ARHGEF3: variants seen among roughly 807,000 people sequenced by gnomAD.
The protein encoded by ARHGEF3 is Rho guanine nucleotide exchange factor 3.
Under a neutral mutation model 63.2 loss-of-function variants are expected in ARHGEF3, and 28 were observed. The observed-to-expected ratio is 0.44, with a 90% CI of 0.33 to 0.61. The LOEUF is 0.61. ARHGEF3 is among the 20% of genes least tolerant of loss of function. The probability of loss-of-function intolerance (pLI) is 0.03; values close to 1 mark genes in which losing one functional copy is unlikely to be tolerated. For synonymous variants in ARHGEF3, 266 were observed against 254.2 expected (o/e 1.05, Z -0.44); for missense variants, 533 against 659.3 (o/e 0.81, Z 2.10).
At chr3:57,054,571 G>A (rs1479070574) in intron 1 of ARHGEF3, among the ~76,000 whole-genome samples, 1 of 151,534 alleles carries the variant, frequency 6.6e-6, no homozygotes, top group African/African-American at 2.4e-5. Flanking sequence ...CCAGCAGGGT[G>A]GAGGCTGAAG....
At chr3:56,823,986 G>GAAAAAAA (rs5849170) in intron 4 of ARHGEF3, among the ~76,000 whole-genome samples, 2 of 126,388 alleles carry the variant, frequency 1.6e-5, no homozygotes, top group Non-Finnish European at 3.3e-5. Context: ...TTGAGGAAAG[G>GAAAAAAA]AAAAAAAAAA....
At chr3:56,901,473 T>C (rs1287983167) in intron 3 of ARHGEF3, among the ~76,000 whole-genome samples, 1 of 151,996 alleles carries the variant, frequency 6.6e-6, no homozygotes, top group African/African-American at 2.4e-5. Flanking sequence ...TTGACTCTCA[T>C]TATTCATAGT....
intron 3 of ARHGEF3, among the ~76,000 whole-genome samples, chr3:56,943,668 A>G (rs905949774): frequency 3.9e-5 from 6 of 152,198 alleles, no homozygotes; most frequent in African/African-American, 1.4e-4. Flanking sequence ...TAATCCCAGC[A>G]CTTTGGGAGT....
chr3:57,057,086 C>A (rs1162570341), intron 1 of ARHGEF3, among the ~76,000 whole-genome samples: 1 of 152,116 alleles, frequency 6.6e-6, no homozygotes, highest in Admixed American at 6.6e-5. Flanking sequence ...GGGGTCTACA[C>A]TGCAGGTTTC....
At chr3:57,054,097 G>A (rs780127050) in intron 1 of ARHGEF3, among the ~76,000 whole-genome samples, 22 of 152,160 alleles carry the variant, frequency 1.4e-4, no homozygotes, top group African/African-American at 4.8e-4. Context: ...TTCCAAAATG[G>A]TTGTACCAAT....
At chr3:56,803,908 A>G (rs943736920), upstream of ARHGEF3, among the ~76,000 whole-genome samples, 1 of 147,684 alleles carries the variant, frequency 6.8e-6, no homozygotes, top group Admixed American at 6.8e-5. Context: ...TTTTTGAGAT[A>G]GGGTCTTGCT....
chr3:56,962,566 C>T (rs1351527792), intron 2 of ARHGEF3, among the ~76,000 whole-genome samples: 5 of 152,164 alleles, frequency 3.3e-5, no homozygotes, highest in African/African-American at 1.2e-4. Flanking sequence ...AGTATGACCA[C>T]TTCCATAGAG....
chr3:56,764,595 A>G (rs527413285), intron 2 of ARHGEF3, among the ~76,000 whole-genome samples: 3 of 152,166 alleles, frequency 2.0e-5, no homozygotes, highest in East Asian at 1.9e-4. Context: ...ATCTCTCCCT[A>G]TAAGTGGTGA....
intron 4 of ARHGEF3, among the ~76,000 whole-genome samples, chr3:56,751,726 T>TA (rs1469535369): frequency 1.3e-5 from 2 of 152,042 alleles, no homozygotes; most frequent in Non-Finnish European, 2.9e-5. Context: ...TCCTGCCTCT[T>TA]AAAAAAATCC....
chr3:56,816,164 A>G (rs1368360052), intron 4 of ARHGEF3, among the ~76,000 whole-genome samples: 6 of 152,148 alleles, frequency 3.9e-5, no homozygotes, highest in African/African-American at 9.7e-5. Context: ...ACAGTGAGCT[A>G]TGATTGTACC....
chr3:56,771,655 T>A (rs534025273), intron 2 of ARHGEF3, among the ~76,000 whole-genome samples: 1 of 152,258 alleles, frequency 6.6e-6, no homozygotes, highest in South Asian at 2.1e-4. Flanking sequence ...TTCTGTTATA[T>A]CTGGAACATA....
chr3:56,913,760 C>T (rs541926868), intron 3 of ARHGEF3, among the ~76,000 whole-genome samples: 50 of 152,260 alleles, frequency 3.3e-4, no homozygotes, highest in African/African-American at 1.1e-3. Context: ...GTAGATCTAC[C>T]ATTTGATTCA....
intron 4 of ARHGEF3, among the ~76,000 whole-genome samples, chr3:56,855,248 T>C (rs1392557292): frequency 1.3e-5 from 2 of 152,150 alleles, no homozygotes; most frequent in Non-Finnish European, 2.9e-5. Context: ...GCACTATTTA[T>C]TGTTGTTCCC....
At chr3:56,801,309 C>G (rs2037637293) in intron 1 of ARHGEF3, among the ~76,000 whole-genome samples, 1 of 152,152 alleles carries the variant, frequency 6.6e-6, no homozygotes, top group African/African-American at 2.4e-5. Flanking sequence ...GGTAGCGACA[C>G]TGGGGCTTGC....
intron 1 of ARHGEF3, among the ~76,000 whole-genome samples, chr3:57,047,585 GC>G (rs1463596892): frequency 1.3e-5 from 2 of 152,226 alleles, no homozygotes; most frequent in Admixed American, 6.5e-5. Flanking sequence ...TAAGCAAAGA[GC>G]CCAGCACAGT....
At chr3:56,805,050 G>A (rs1486213474), upstream of ARHGEF3, among the ~76,000 whole-genome samples, 2 of 152,128 alleles carry the variant, frequency 1.3e-5, no homozygotes, top group Non-Finnish European at 2.9e-5. Flanking sequence ...TTGACTCCCA[G>A]AAGAGCTTGC....
intron 3 of ARHGEF3, among the ~76,000 whole-genome samples, chr3:56,922,159 A>G (rs2042160351): frequency 6.6e-6 from 1 of 152,214 alleles, no homozygotes; most frequent in South Asian, 2.1e-4. Context: ...GACTAACACA[A>G]GAAGCAAGGG....
rs534151873 is a variant in ARHGEF3, at chr3:56,837,117, A to C, written c.192+45175T>G. On this transcript the variant is annotated intron_variant, in intron 4 of 12. Coordinates refer to the ARHGEF3 transcript ENST00000338458. ...TGATAATCAAATGGTTTCCTAAAGA[A>C]AGTGAAGAGTCAGGATCAGAGTCAG... Among the ~76,000 whole-genome samples the C allele has an allele frequency of 3.3e-5, 5 of 152,348 alleles. No individual in the cohort carries two copies. In the South Asian group the frequency reaches 8.3e-4, roughly 25 times the overall value.
At chr3:56,815,566 TGGCAAAGCAAA>T (rs2038238395) in intron 4 of ARHGEF3, among the ~76,000 whole-genome samples, 1 of 152,128 alleles carries the variant, frequency 6.6e-6, no homozygotes, top group Non-Finnish European at 1.5e-5. Flanking sequence ...TAATATCAAA[TGGCAAAGCAAA>T]CAAGAGGTTG....
Sources: allele counts gnomAD v4.1 joint callset (sites outside exome capture counted in the v4.1 genomes callset), GRCh38; gene constraint gnomAD v4.1.1; transcripts MANE v1.5; gene names NCBI Gene and HGNC (gene_info 2026-07-23, HGNC 2026-07-21).